Variants in SCIMP observed in about 807,000 individuals in gnomAD.
The protein encoded by SCIMP is SLP adaptor and CSK interacting membrane protein, also known as SLP adapter and CSK-interacting membrane protein.
In SCIMP, 18 loss-of-function variants were observed where a neutral mutation model predicts 22.0. That is an observed-to-expected ratio of 0.82 (90% confidence interval 0.56 to 1.21). The LOEUF (loss-of-function observed/expected upper bound fraction) is 1.21. SCIMP is among the 50% of genes most tolerant of loss of function. SCIMP has a pLI of 0.00. For missense variants in SCIMP, 155 were observed against 171.2 expected, an observed-to-expected ratio of 0.91 and a Z score of 0.53; for synonymous variants, 53 against 62.2, an observed-to-expected ratio of 0.85 and a Z score of 0.70.
rs1356898125 is a variant in SCIMP, at chr17:5,209,790, A to T, written c.*1011T>A. The stretch of plus-strand genomic sequence containing the variant: ...AGACATCTGCCCATGTCCCTGGCCC[A>T]TCTCATTGGCTGCAGCACATCACAG... On this transcript the variant is annotated 3_prime_UTR_variant, in exon 5 of 5. Transcript: ENST00000574081. The T allele has an allele frequency of 6.6e-6, 1 of 152,204 alleles. No individual in the cohort carries two copies. Among genetic ancestry groups the T allele is most frequent in the African/African-American group, 2.4e-5 (1 of 41,440 alleles). 9.4% of individuals were successfully genotyped at this position (152,204 alleles called of 1,614,324 possible).
At chr17:5,214,573 G>T in intron 4 of SCIMP, 1 of 169,328 alleles carries the variant, frequency 5.9e-6, no homozygotes, top group Non-Finnish European at 1.2e-5. Context: ...AAAAAAAGTG[G>T]CTCACGCTTA....
chr17:5,226,566 C>A (rs1042919835), intron 1 of SCIMP, among the ~76,000 whole-genome samples: 3 of 145,374 alleles, frequency 2.1e-5, no homozygotes, highest in Admixed American at 1.5e-4. Context: ...AGTGCGATGG[C>A]GTGATCTCGG....
Position 5,211,524 on chromosome 17 carries a change from C to CAAA in SCIMP, c.284-572_284-570dup. 1.5e-5 allele frequency among the ~76,000 whole-genome samples: 2 copies of CAAA among 132,824 alleles called. 1 individual carries two copies. Among genetic ancestry groups the CAAA allele is most frequent in the East Asian group, 4.1e-4 (2 of 4,868 alleles). The allele number at this position is 132,824 out of a possible 152,430, so 87.1% of individuals were successfully genotyped here. A position where few individuals can be genotyped will look rare whatever the true frequency, so the allele number is the denominator to read the frequency against. ...GGACAACATGGTAAGACCCTGTCTCCAAAAAAAAAAAAAGAATGGATGAAA... is the reference window on the plus strand; with the variant it reads ...GGACAACATGGTAAGACCCTGTCTCCAAAAAAAAAAAAAAAAGAATGGATGAAA... On this transcript the variant is annotated intron_variant, in intron 4 of 4. Coordinates refer to ENST00000574081, the MANE Select transcript of SCIMP (RefSeq NM_207103.3).
chr17:5,232,181 T>G (rs1877503996), intron 1 of SCIMP, among the ~76,000 whole-genome samples: 1 of 152,242 alleles, frequency 6.6e-6, no homozygotes, highest in South Asian at 2.1e-4. Context: ...GGCAAAGACA[T>G]TTTCAGAGCA....
At chr17:5,234,096 C>T (rs1248429658) in intron 1 of SCIMP, among the ~76,000 whole-genome samples, 1 of 152,066 alleles carries the variant, frequency 6.6e-6, no homozygotes, top group Non-Finnish European at 1.5e-5. Flanking sequence ...CATGGTGAAA[C>T]TCCGTCTCTA....
At chr17:5,227,279 TACACACACACACAAC>T in intron 1 of SCIMP, among the ~76,000 whole-genome samples, 1 of 110,442 alleles carries the variant, frequency 9.1e-6, no homozygotes, top group African/African-American at 4.0e-5. Flanking sequence ...TGTCTCTATA[TACACACACACACAAC>T]ACACACACAC....
At chr17:5,231,750 T>C (rs967112842) in intron 1 of SCIMP, among the ~76,000 whole-genome samples, 3 of 152,172 alleles carry the variant, frequency 2.0e-5, no homozygotes, top group Non-Finnish European at 4.4e-5. Context: ...AAATGCATTC[T>C]GTGCTGCAAA....
chr17:5,219,288 C>T (rs1391544847), intron 3 of SCIMP, among the ~76,000 whole-genome samples: 1 of 150,702 alleles, frequency 6.6e-6, no homozygotes, highest in Non-Finnish European at 1.5e-5. Context: ...TATTGCACTC[C>T]AGCCTGGGTG....
intron 3 of SCIMP, among the ~76,000 whole-genome samples, chr17:5,219,619 C>T (rs1370588693): frequency 6.6e-6 from 1 of 152,138 alleles, no homozygotes; most frequent in Non-Finnish European, 1.5e-5. Context: ...CAGACTGGGA[C>T]TCCATCTCGT....
intron 1 of SCIMP, 198 bp downstream of exon 1, chr17:5,234,537 G>T: frequency 1.6e-6 from 1 of 611,448 alleles, no homozygotes; most frequent in Non-Finnish European, 2.9e-6. Flanking sequence ...AGGTCACTCA[G>T]CCAGTTACCA....
chr17:5,225,345 G>A (rs571933891), intron 1 of SCIMP, among the ~76,000 whole-genome samples: 1 of 152,000 alleles, frequency 6.6e-6, no homozygotes, highest in African/African-American at 2.4e-5. Context: ...CATGCCTGTA[G>A]TCCCAGCTAC....
chr17:5,211,056 C>T, intron 4 of SCIMP, 101 bp from the exon 5 acceptor site: 1 of 1,493,468 alleles, frequency 6.7e-7, no homozygotes, highest in Non-Finnish European at 8.9e-7. Context: ...GTGATCTTCC[C>T]ACTTCTAGTG....
chr17:5,234,377 C>T (rs1284805035), intron 1 of SCIMP, among the ~76,000 whole-genome samples: 4 of 151,022 alleles, frequency 2.6e-5, no homozygotes, highest in Non-Finnish European at 5.9e-5. Flanking sequence ...TCCCAAAACA[C>T]ACCATCGGCA....
chr17:5,230,053 C>T (rs1421946656), intron 1 of SCIMP, among the ~76,000 whole-genome samples: 1 of 151,978 alleles, frequency 6.6e-6, no homozygotes, highest in Non-Finnish European at 1.5e-5. Context: ...GTTTCAAACT[C>T]TGGGCCCCAA....
At chr17:5,214,735 G>A (rs959441826) in intron 4 of SCIMP, 190 bp downstream of exon 4, 3 of 525,454 alleles carry the variant, frequency 5.7e-6, no homozygotes, top group Admixed American at 6.9e-5. Context: ...AGCTACTCCG[G>A]AGGCTGAGGT....
chr17:5,221,448 A>G, intron 2 of SCIMP, 98 bp from the exon 3 acceptor site: 1 of 902,224 alleles, frequency 1.1e-6, no homozygotes, highest in South Asian at 1.4e-5. Context: ...ACAGTTAATA[A>G]ATGATAGAGC....
intron 1 of SCIMP, among the ~76,000 whole-genome samples, chr17:5,231,734 A>C (rs557069311): frequency 3.3e-5 from 5 of 152,250 alleles, no homozygotes; most frequent in African/African-American, 1.2e-4. Context: ...TGGCTGCCTC[A>C]TGAATAAATG....
chr17:5,211,568 A>T (rs1387310107), intron 4 of SCIMP, among the ~76,000 whole-genome samples: 2 of 151,886 alleles, frequency 1.3e-5, no homozygotes, highest in African/African-American at 4.8e-5. Context: ...ACCAGAGCCC[A>T]GTAGTCATAT....
chr17:5,228,686 C>G (rs2074670988), intron 1 of SCIMP, among the ~76,000 whole-genome samples: 1 of 152,056 alleles, frequency 6.6e-6, no homozygotes, highest in Admixed American at 6.6e-5. Flanking sequence ...TTTCTTCCAA[C>G]TGAGCCTGTG....
Sources: gnomAD v4.1 joint callset for allele counts (sites outside exome capture counted in the v4.1 genomes callset) on GRCh38, gnomAD v4.1.1 for gene constraint, MANE v1.5 for transcripts, NCBI Gene and HGNC (gene_info 2026-07-23, HGNC 2026-07-21) for gene names.